Variants in RTN1 observed in about 807,000 individuals in gnomAD.
RTN1 encodes the protein reticulon 1, also known as reticulon-1.
RTN1 carries 25 observed loss-of-function variants against 65.5 expected under a neutral mutation model. The ratio of observed to expected loss-of-function variants is 0.38; its 90% CI spans 0.28 to 0.53. The LOEUF (loss-of-function observed/expected upper bound fraction) is 0.53, where lower values mean the gene tolerates loss of function less well. Ranked by LOEUF, RTN1 falls within the 20% of genes least tolerant of loss-of-function variation. The probability of loss-of-function intolerance (pLI) is 0.79; values close to 1 mark genes in which losing one functional copy is unlikely to be tolerated. For synonymous variants in RTN1, 471 were observed against 447.6 expected (o/e 1.05, Z -0.66); for missense variants, 983 against 1,025.4 (o/e 0.96, Z 0.57).
At chr14:59,683,403 T>G (rs989381701) in intron 3 of RTN1, among the ~76,000 whole-genome samples, 2 of 151,944 alleles carry the variant, frequency 1.3e-5, no homozygotes, top group African/African-American at 4.8e-5. Context: ...CAGTAGGCAT[T>G]TAATACTAGG....
rs1881714214 is a variant in RTN1, at chr14:59,605,490, C to T, written c.1990G>A (p.Glu664Lys). 1 of 1,614,098 alleles carries T rather than the reference C, an allele frequency of 6.2e-7. No homozygotes were observed. The highest frequency in any genetic ancestry group is 8.5e-7 in the Non-Finnish European group (1 of 1,180,004). Residue 664 changes from glutamate (E) to lysine (K), a missense_variant, in exon 5 of 9, where the codon GAG (glutamate) becomes AAG (lysine). Transcript: ENST00000267484. The part of the protein sequence containing the change: ...GHPFKAYLEL[E>K]ITLSQEQIQK... The stretch of plus-strand genomic sequence containing the variant: ...ATCTGCTCCTGAGAAAGGGTGATCT[C>T]AAGCTCCAAGTAGGCCCTGTCAACA...
At chr14:59,600,963 G>A (rs1345313202) in intron 8 of RTN1, among the ~76,000 whole-genome samples, 1 of 152,020 alleles carries the variant, frequency 6.6e-6, no homozygotes, top group Non-Finnish European at 1.5e-5. Context: ...CACATCTCTA[G>A]TCTCTCCCCT....
At chr14:59,684,286 T>A (rs917087034) in intron 3 of RTN1, among the ~76,000 whole-genome samples, 1 of 152,106 alleles carries the variant, frequency 6.6e-6, no homozygotes, top group African/African-American at 2.4e-5. Context: ...CAGTGCATTT[T>A]CACTATCATT....
chr14:59,655,303 G>C (rs1566674209), intron 3 of RTN1, among the ~76,000 whole-genome samples: 1 of 152,168 alleles, frequency 6.6e-6, no homozygotes, highest in Non-Finnish European at 1.5e-5. Flanking sequence ...AAAGAAATTA[G>C]AGAATACCTA....
chr14:59,812,060 C>A (rs1256759518), intron 1 of RTN1, among the ~76,000 whole-genome samples: 1 of 152,194 alleles, frequency 6.6e-6, no homozygotes, highest in Admixed American at 6.5e-5. Flanking sequence ...TAGCACCTCA[C>A]TGTGAAACCC....
intron 3 of RTN1, among the ~76,000 whole-genome samples, chr14:59,660,194 C>G (rs1020326159): frequency 6.6e-6 from 1 of 152,130 alleles, no homozygotes; most frequent in African/African-American, 2.4e-5. Flanking sequence ...AGCTGACTAT[C>G]CTAAATATAT....
intron 3 of RTN1, among the ~76,000 whole-genome samples, chr14:59,701,710 G>C (rs1453394348): frequency 6.6e-6 from 1 of 152,114 alleles, no homozygotes; most frequent in Non-Finnish European, 1.5e-5. Flanking sequence ...TGAACATTGA[G>C]GGGCATGGGG....
chr14:59,642,327 A>G (rs574656295), intron 3 of RTN1, among the ~76,000 whole-genome samples: 1 of 152,128 alleles, frequency 6.6e-6, no homozygotes, highest in African/African-American at 2.4e-5. Flanking sequence ...GGGTTTACTG[A>G]GCTTCTTAAA....
intron 3 of RTN1, among the ~76,000 whole-genome samples, chr14:59,624,903 T>C (rs1189464650): frequency 1.3e-5 from 2 of 152,240 alleles, no homozygotes; most frequent in Non-Finnish European, 2.9e-5. Flanking sequence ...TTCTGAAAGC[T>C]AACCACTGAA....
intron 1 of RTN1, among the ~76,000 whole-genome samples, chr14:59,750,124 T>TATTA (rs1555358825): frequency 1.3e-5 from 1 of 75,002 alleles, no homozygotes; most frequent in East Asian, 3.5e-4. Context: ...ATAATATATA[T>TATTA]TATCTATAAT....
intron 1 of RTN1, among the ~76,000 whole-genome samples, chr14:59,833,823 A>G (rs1887168195): frequency 6.6e-6 from 1 of 152,250 alleles, no homozygotes; most frequent in Non-Finnish European, 1.5e-5. Context: ...AAGGTCACAC[A>G]GTCATTTTAC....
At chr14:59,777,062 T>C (rs1886065790) in intron 1 of RTN1, among the ~76,000 whole-genome samples, 1 of 152,160 alleles carries the variant, frequency 6.6e-6, no homozygotes. Flanking sequence ...CTAGGAAGAC[T>C]GAACATGTCA....
intron 3 of RTN1, among the ~76,000 whole-genome samples, chr14:59,638,523 C>T: frequency 6.6e-6 from 1 of 152,174 alleles, no homozygotes; most frequent in East Asian, 1.9e-4. Context: ...AACTTAAAGT[C>T]ACCAGCTGCA....
chr14:59,807,613 T>C (rs1387429113), intron 1 of RTN1, among the ~76,000 whole-genome samples: 1 of 152,192 alleles, frequency 6.6e-6, no homozygotes, highest in African/African-American at 2.4e-5. Flanking sequence ...GCTCCTCTTT[T>C]CCACTGAGGT....
At chr14:59,700,577 G>A (rs149624043) in intron 3 of RTN1, among the ~76,000 whole-genome samples, 5 of 152,140 alleles carry the variant, frequency 3.3e-5, no homozygotes, top group Admixed American at 6.5e-5. Flanking sequence ...TTACATTTAC[G>A]GTCAATTTAT....
At chr14:59,674,049 A>G (rs1594670801) in intron 3 of RTN1, among the ~76,000 whole-genome samples, 1 of 152,310 alleles carries the variant, frequency 6.6e-6, no homozygotes, top group South Asian at 2.1e-4. Flanking sequence ...CAATGCCACA[A>G]AAATTTCTTG....
At position 59,849,895 on chromosome 14, in the gene RTN1, C is replaced by G. The variant is rs534294488; in HGVS notation, c.241+20495G>C. Among the ~76,000 whole-genome samples the G allele has an allele frequency of 6.6e-6, 1 of 152,080 alleles. No homozygotes were observed. Among genetic ancestry groups the G allele is most frequent in the African/African-American group, 2.4e-5 (1 of 41,402 alleles). On this transcript the variant is annotated intron_variant, in intron 1 of 8. Transcript: ENST00000267484. This position sits in a 1 kb window ranked among gnomAD's most constrained non-coding sequence, Gnocchi z 4.5. ...TTACTTTTGCTTCCTCAAAGGGCTTCCCCCTCTCTGTGTACTTCTCTGTTA... is the reference window on the plus strand; with the variant it reads ...TTACTTTTGCTTCCTCAAAGGGCTTGCCCCTCTCTGTGTACTTCTCTGTTA...
In RTN1 at chr14:59,630,551, G is replaced by A. The variant is rs201286375; in HGVS notation, c.1766-23059C>T. On this transcript the variant is annotated intron_variant, in intron 3 of 8. Coordinates refer to ENST00000267484, the MANE Select transcript of RTN1 (RefSeq NM_021136.3). ...CGCCGTGGCTCTCCTCGGGGGCGCC[G>A]AGCGTGCACTCAAGCGTTGGTGCCC... 304 of 1,610,526 alleles carry A rather than the reference G, an allele frequency of 1.9e-4. No individual in the cohort carries two copies. In the African/African-American group the frequency reaches 3.6e-3, roughly 19 times the overall value.
intron 1 of RTN1, among the ~76,000 whole-genome samples, chr14:59,859,944 AG>A (rs1172020480): frequency 6.6e-6 from 1 of 152,216 alleles, no homozygotes; most frequent in Non-Finnish European, 1.5e-5. Flanking sequence ...GTGCTGTTAA[AG>A]GCAGTCAGTT....
Sources: gnomAD v4.1 joint callset for allele counts (sites outside exome capture counted in the v4.1 genomes callset) on GRCh38, gnomAD v4.1.1 for gene constraint, Gnocchi (gnomAD v3.1) non-coding constraint, MANE v1.5 for transcripts, NCBI Gene and HGNC (gene_info 2026-07-23, HGNC 2026-07-21) for gene names.